The following KCNU1 variants were observed in gnomAD, a reference collection of about 807,000 sequenced individuals.
KCNU1 encodes the protein potassium channel subfamily U member 1.
KCNU1 carries 93 observed loss-of-function variants against 126.8 expected under a neutral mutation model. That is an observed-to-expected ratio of 0.73 (90% CI 0.62 to 0.87). The LOEUF is 0.87. Among genes scored for constraint, KCNU1 ranks in the 40% least tolerant of loss-of-function variants. The pLI is 0.00. For missense variants in KCNU1, 1,330 were observed against 1,367.1 expected, an observed-to-expected ratio of 0.97 and a Z score of 0.43; for synonymous variants, 523 against 494.2, an observed-to-expected ratio of 1.06 and a Z score of -0.77.
chr8:36,918,912 G>T lies in KCNU1; in HGVS notation c.2596+15G>T, dbSNP rs573007696. ...TACTGAACTGAGTAAGTGGTGTTTC[G>T]AGGGGAAAATTCAATGGAGAAATTT... On this transcript the variant is annotated intron_variant, in intron 23 of 26. Coordinates refer to ENST00000399881, the MANE Select transcript of KCNU1 (RefSeq NM_001031836.3). The T allele has an allele frequency of 9.3e-5, 143 of 1,538,922 alleles. 1 individual carries two copies. The South Asian group carries it at 1.6e-3, about 17-fold the overall frequency.
intron 2 of KCNU1, among the ~76,000 whole-genome samples, chr8:36,799,484 C>T (rs3885786): frequency 0.25 from 37,719 of 150,842 alleles, 5,734 homozygotes; most frequent in African/African-American, 0.42. Flanking sequence ...AAGTGTTTGT[C>T]TTATCCTTTT....
chr8:36,812,893 G>C (rs554793888), intron 7 of KCNU1, among the ~76,000 whole-genome samples: 1 of 152,184 alleles, frequency 6.6e-6, no homozygotes, highest in Admixed American at 6.6e-5. Context: ...AATTATAAAG[G>C]ATATCTCCAG....
chr8:36,846,009 A>G, intron 18 of KCNU1, 110 bp downstream of exon 18: 3 of 670,442 alleles, frequency 4.5e-6, no homozygotes, highest in Middle Eastern at 3.2e-4. Flanking sequence ...GAACTTGGCC[A>G]GGAAGTGGCA....
intron 2 of KCNU1, among the ~76,000 whole-genome samples, chr8:36,791,689 G>C (rs1269128309): frequency 6.6e-6 from 1 of 151,980 alleles, no homozygotes; most frequent in Non-Finnish European, 1.5e-5. Flanking sequence ...CAAAAACGGT[G>C]CCTGGAATGA....
At chr8:36,898,856 A>G (rs1274331927) in intron 19 of KCNU1, among the ~76,000 whole-genome samples, 1 of 152,106 alleles carries the variant, frequency 6.6e-6, no homozygotes, top group African/African-American at 2.4e-5. Flanking sequence ...AGAAATTGCT[A>G]TCATGAGGAT....
intron 7 of KCNU1, among the ~76,000 whole-genome samples, chr8:36,810,977 G>A (rs1369589911): frequency 6.6e-6 from 1 of 152,126 alleles, no homozygotes; most frequent in African/African-American, 2.4e-5. Flanking sequence ...AATTGAAAGT[G>A]GGCCAAAAGA....
intron 22 of KCNU1, among the ~76,000 whole-genome samples, chr8:36,911,505 G>A (rs1460240124): frequency 6.6e-6 from 1 of 152,152 alleles, no homozygotes; most frequent in East Asian, 1.9e-4. Context: ...GGATCTTATA[G>A]ATCTAATGCA....
intron 4 of KCNU1, 93 bp from the exon 5 acceptor site, chr8:36,806,176 G>A: frequency 1.4e-6 from 1 of 691,492 alleles, no homozygotes; most frequent in East Asian, 2.8e-5. Context: ...GGCTTCAGCT[G>A]ATAAGTAAAA....
chr8:36,925,311 T>G (rs558336738), intron 24 of KCNU1, among the ~76,000 whole-genome samples: 81 of 152,276 alleles, frequency 5.3e-4, no homozygotes, highest in Non-Finnish European at 9.9e-4. Flanking sequence ...TTTGCTCAAC[T>G]GAATTTGGGC....
chr8:36,828,489 T>C (rs1804407077), intron 10 of KCNU1, among the ~76,000 whole-genome samples: 1 of 152,148 alleles, frequency 6.6e-6, no homozygotes, highest in African/African-American at 2.4e-5. Flanking sequence ...ACTTTAGACA[T>C]GTTTAACTTT....
At chr8:36,921,648 G>C (rs915751162) in intron 23 of KCNU1, among the ~76,000 whole-genome samples, 1 of 132,828 alleles carries the variant, frequency 7.5e-6, no homozygotes, top group Non-Finnish European at 1.6e-5. Context: ...CAGCCTGGGC[G>C]ATGAAGTGAG....
At chr8:36,908,005 A>G (rs909816619) in intron 20 of KCNU1, among the ~76,000 whole-genome samples, 1 of 152,122 alleles carries the variant, frequency 6.6e-6, no homozygotes, top group Non-Finnish European at 1.5e-5. Context: ...TTTTAAACAT[A>G]AAGAAATTGA....
chr8:36,882,042 G>A (rs1309961013), intron 19 of KCNU1, among the ~76,000 whole-genome samples: 1 of 152,136 alleles, frequency 6.6e-6, no homozygotes, highest in Non-Finnish European at 1.5e-5. Context: ...CTTACTAGGA[G>A]CGATTTGCAG....
intron 16 of KCNU1, among the ~76,000 whole-genome samples, chr8:36,842,662 G>A (rs1341382557): frequency 2.0e-5 from 3 of 152,052 alleles, no homozygotes; most frequent in Non-Finnish European, 4.4e-5. Context: ...AGAATTATTT[G>A]CATAAGTTTT....
chr8:36,837,408 A>G (rs973422592), intron 14 of KCNU1, among the ~76,000 whole-genome samples: 1 of 152,196 alleles, frequency 6.6e-6, no homozygotes, highest in Non-Finnish European at 1.5e-5. Context: ...TAATTTTTCC[A>G]GGTTGTTTAA....
intron 2 of KCNU1, among the ~76,000 whole-genome samples, chr8:36,801,953 A>G (rs777854561): frequency 1.3e-5 from 2 of 152,020 alleles, no homozygotes; most frequent in Non-Finnish European, 2.9e-5. Flanking sequence ...TACTAAAAAT[A>G]CAAAAATTAG....
At chr8:36,868,300 A>G (rs532119182) in intron 19 of KCNU1, among the ~76,000 whole-genome samples, 3 of 152,254 alleles carry the variant, frequency 2.0e-5, no homozygotes, top group African/African-American at 7.2e-5. Flanking sequence ...ATATGTCTAG[A>G]GGATCTATGT....
At chr8:36,810,112 C>T (rs1384757795) in intron 7 of KCNU1, among the ~76,000 whole-genome samples, 6 of 152,068 alleles carry the variant, frequency 3.9e-5, no homozygotes, top group African/African-American at 1.2e-4. Context: ...ATTAGCCAGA[C>T]GTGGTGGCAT....
intron 19 of KCNU1, among the ~76,000 whole-genome samples, chr8:36,869,369 C>T (rs988501245): frequency 6.6e-6 from 1 of 152,080 alleles, no homozygotes; most frequent in African/African-American, 2.4e-5. Context: ...AACTTATGGC[C>T]CATATTGAAA....
Sources: gnomAD v4.1 joint callset for allele counts (sites outside exome capture counted in the v4.1 genomes callset) on GRCh38, gnomAD v4.1.1 for gene constraint, MANE v1.5 for transcripts, NCBI Gene and HGNC (gene_info 2026-07-23, HGNC 2026-07-21) for gene names.